The following RAPGEF2 variants were observed in gnomAD, a reference collection of about 807,000 sequenced individuals.
The protein encoded by RAPGEF2 is Rap guanine nucleotide exchange factor 2.
RAPGEF2 carries 54 observed loss-of-function variants against 186.7 expected under a neutral mutation model. The observed-to-expected ratio is 0.29, with a 90% CI of 0.23 to 0.36. RAPGEF2 has a LOEUF of 0.36. Among genes scored for constraint, RAPGEF2 ranks in the 10% least tolerant of loss-of-function variants. RAPGEF2 has a pLI of 1.00. For missense variants in RAPGEF2, 1,532 were observed against 2,045.0 expected (o/e 0.75, Z 4.84); for synonymous variants, 712 against 705.9 (o/e 1.01, Z -0.14).
chr4:159,239,802 A>G (rs1753739760), intron 5 of RAPGEF2, among the ~76,000 whole-genome samples: 1 of 152,196 alleles, frequency 6.6e-6, no homozygotes. Flanking sequence ...TGTAAAGTAA[A>G]TGATGTCTAA....
chr4:159,203,594 A>G (rs1191529437), intron 3 of RAPGEF2, among the ~76,000 whole-genome samples: 1 of 152,190 alleles, frequency 6.6e-6, no homozygotes, highest in East Asian at 1.9e-4. Context: ...AAAATATACT[A>G]TTTAGAAGCT....
intron 1 of RAPGEF2, among the ~76,000 whole-genome samples, chr4:159,182,386 C>CTTTTTT (rs575743979): frequency 1.1e-4 from 9 of 85,690 alleles, no homozygotes; most frequent in East Asian, 4.1e-4. Flanking sequence ...TTCTTTTCTT[C>CTTTTTT]TTTTTTTTTT....
At chr4:159,200,799 A>G (rs919887018) in intron 3 of RAPGEF2, among the ~76,000 whole-genome samples, 5 of 152,148 alleles carry the variant, frequency 3.3e-5, no homozygotes, top group Non-Finnish European at 4.4e-5. Flanking sequence ...TAAATGAAGT[A>G]ATTTCCTTAC....
intron 7 of RAPGEF2, among the ~76,000 whole-genome samples, chr4:159,281,688 A>G (rs1490337766): frequency 2.5e-5 from 2 of 81,432 alleles, no homozygotes; most frequent in Non-Finnish European, 4.7e-5. Flanking sequence ...AAAAAAAAAA[A>G]AAGAAAAGGA....
chr4:159,224,556 A>G (rs2111413975), intron 4 of RAPGEF2, among the ~76,000 whole-genome samples: 1 of 152,322 alleles, frequency 6.6e-6, no homozygotes, highest in African/African-American at 2.4e-5. Flanking sequence ...GGATGGGCAA[A>G]GTACTGAGTC....
chr4:159,199,972 T>C (rs1749232429), intron 3 of RAPGEF2, among the ~76,000 whole-genome samples: 1 of 152,176 alleles, frequency 6.6e-6, no homozygotes, highest in Admixed American at 6.5e-5. Flanking sequence ...TTCTTTTAAA[T>C]GTGATAAATT....
intron 1 of RAPGEF2, among the ~76,000 whole-genome samples, chr4:159,173,722 G>T (rs1341121201): frequency 6.6e-6 from 1 of 152,088 alleles, no homozygotes; most frequent in Non-Finnish European, 1.5e-5. Flanking sequence ...GTGTATGTCT[G>T]TGCCTCTGTT....
At position 159,128,009 on chromosome 4, in the gene RAPGEF2, C is replaced by G. The variant is rs146817342; in HGVS notation, c.69+23778C>G. On this transcript the variant is annotated intron_variant, in intron 1 of 29. Transcript: ENST00000691494. Reference sequence around the variant, plus strand: ...GTGTTATGAATCTCTATGCCCTGGACTGCAGTTTATTGCCTTGGATTATAT... The same window carrying G: ...GTGTTATGAATCTCTATGCCCTGGAGTGCAGTTTATTGCCTTGGATTATAT... Among the ~76,000 whole-genome samples, 345 of 152,274 alleles carry G rather than the reference C, an allele frequency of 2.3e-3. 1 individual carries two copies. Among genetic ancestry groups the G allele is most frequent in the African/African-American group, 7.8e-3 (325 of 41,556 alleles).
intron 1 of RAPGEF2, among the ~76,000 whole-genome samples, chr4:159,174,756 C>CTTTTTTTTTTTTTTTTTTTTTTTTTT (rs1554004795): frequency 8.9e-6 from 1 of 112,550 alleles, no homozygotes. Flanking sequence ...TCTTTTCTTT[C>CTTTTTTTTTTTTTTTTTTTTTTTTTT]TTTCTTTTTT....
Position 159,314,690 on chromosome 4 carries a change from T to G in RAPGEF2, c.775T>G (p.Ser259Ala). 1 of 1,613,934 alleles carries G rather than the reference T, an allele frequency of 6.2e-7. No homozygotes were observed. The highest frequency in any genetic ancestry group is 8.5e-7 in the Non-Finnish European group (1 of 1,179,938). The change falls in exon 9 of 30, where the codon TCA becomes GCA. Residue 259 changes from serine (S) to alanine (A), a missense_variant. Physicochemically the swap from Ser to Ala is moderately conservative, Grantham distance 99. Around this residue, in one of 4 missense-constraint regions of RAPGEF2, gnomAD observed 810 missense variants for 1,210.5 expected, o/e 0.67. Coordinates refer to ENST00000691494, the MANE Select transcript of RAPGEF2 (RefSeq NM_001394067.2). Reference sequence around the variant, plus strand: ...CGATGAAGAAGACATTGAGAGAGCATCAGATCCTCTGATGAGCAGGGACAT... The same window carrying G: ...CGATGAAGAAGACATTGAGAGAGCAGCAGATCCTCTGATGAGCAGGGACAT... ...DDDEEDIERA[S>A]DPLMSRDIVR...
At chr4:159,257,061 C>T (rs1579638704) in intron 7 of RAPGEF2, among the ~76,000 whole-genome samples, 1 of 151,936 alleles carries the variant, frequency 6.6e-6, no homozygotes, top group Non-Finnish European at 1.5e-5. Flanking sequence ...CCCATTTTGT[C>T]AATTTTTGAT....
intron 17 of RAPGEF2, among the ~76,000 whole-genome samples, chr4:159,337,912 AAG>A (rs1767686251): frequency 6.8e-6 from 1 of 146,144 alleles, no homozygotes; most frequent in African/African-American, 2.6e-5. Context: ...AAAAAAAAAA[AAG>A]AAAGAAAAAC....
intron 1 of RAPGEF2, among the ~76,000 whole-genome samples, chr4:159,125,178 A>G (rs570735344): frequency 6.6e-6 from 1 of 152,324 alleles, no homozygotes; most frequent in South Asian, 2.1e-4. Context: ...TACCTGGCAT[A>G]TGTTAGGTGC....
intron 7 of RAPGEF2, among the ~76,000 whole-genome samples, chr4:159,284,465 C>T (rs532084563): frequency 6.8e-6 from 1 of 147,430 alleles, no homozygotes; most frequent in South Asian, 2.2e-4. Flanking sequence ...TAATGCCTAC[C>T]TCCCACCGCC....
Position 159,338,481 on chromosome 4 carries a change from A to AAC in RAPGEF2, c.2293+16_2293+17dup, listed in dbSNP as rs1767786103. 6.3e-7 allele frequency: 1 copy of AAC among 1,598,360 alleles called. No individual in the cohort carries two copies. The highest frequency in any genetic ancestry group is 1.7e-5 in the Admixed American group (1 of 58,940). ...AGTGCTACTCCTGGTGAGTATCACCAACACTTCTTTTGTTTTCTTATAGTT... is the reference window on the plus strand; with the variant it reads ...AGTGCTACTCCTGGTGAGTATCACCAACACACTTCTTTTGTTTTCTTATAGTT... On this transcript the variant is annotated intron_variant, in intron 18 of 29. Coordinates refer to ENST00000691494, the MANE Select transcript of RAPGEF2 (RefSeq NM_001394067.2).
At chr4:159,145,630 C>T (rs1295177638) in intron 1 of RAPGEF2, among the ~76,000 whole-genome samples, 1 of 152,190 alleles carries the variant, frequency 6.6e-6, no homozygotes, top group African/African-American at 2.4e-5. Flanking sequence ...GTATGTTCAC[C>T]AGGACCAGTG....
At chr4:159,147,006 C>G (rs1022117584) in intron 1 of RAPGEF2, among the ~76,000 whole-genome samples, 6 of 152,174 alleles carry the variant, frequency 3.9e-5, no homozygotes, top group African/African-American at 1.2e-4. Context: ...CTTTGTTGCC[C>G]TGGCTGGTTT....
intron 7 of RAPGEF2, among the ~76,000 whole-genome samples, chr4:159,295,473 CTG>C (rs1761822233): frequency 6.6e-6 from 1 of 151,996 alleles, no homozygotes; most frequent in African/African-American, 2.4e-5. Flanking sequence ...CATCATAAAA[CTG>C]TTTATTAACA....
intron 25 of RAPGEF2, among the ~76,000 whole-genome samples, chr4:159,347,258 A>C (rs1191946764): frequency 2.0e-5 from 3 of 152,168 alleles, no homozygotes; most frequent in African/African-American, 7.2e-5. Context: ...GTGTCTATTA[A>C]TTTAATTTTT....
Sources: gnomAD v4.1 joint callset for allele counts (sites outside exome capture counted in the v4.1 genomes callset) on GRCh38, gnomAD v4.1.1 for gene constraint, gnomAD v4.1.1 regional missense constraint, MANE v1.5 for transcripts, NCBI Gene and HGNC (gene_info 2026-07-23, HGNC 2026-07-21) for gene names.